Variants in PPP2R2C observed in about 807,000 individuals in gnomAD.
PPP2R2C encodes the protein protein phosphatase 2 regulatory subunit Bgamma, also known as protein phosphatase 2, regulatory subunit B, gamma.
Under a neutral mutation model 45.3 loss-of-function variants are expected in PPP2R2C, and 10 were observed. That is an observed-to-expected ratio of 0.22 (90% confidence interval 0.14 to 0.37). PPP2R2C has a LOEUF of 0.37. Ranked by LOEUF, PPP2R2C falls within the 10% of genes least tolerant of loss-of-function variation. PPP2R2C has a pLI of 1.00. For synonymous variants in PPP2R2C, 257 were observed against 245.4 expected, an observed-to-expected ratio of 1.05 and a Z score of -0.44; for missense variants, 308 against 619.7, an observed-to-expected ratio of 0.50 and a Z score of 5.34.
chr4:6,454,431 C>T (rs1407391459), intron 1 of PPP2R2C, among the ~76,000 whole-genome samples: 2 of 152,106 alleles, frequency 1.3e-5, no homozygotes, highest in East Asian at 1.9e-4. Flanking sequence ...ATACTTGATT[C>T]GGGAAAGCCA....
chr4:6,356,517 C>T (rs998657319), intron 5 of PPP2R2C, among the ~76,000 whole-genome samples: 1 of 152,372 alleles, frequency 6.6e-6, no homozygotes, highest in East Asian at 1.9e-4. Context: ...GGCTCCAGCT[C>T]TGCCGCTTGC....
intron 1 of PPP2R2C, among the ~76,000 whole-genome samples, chr4:6,401,204 T>C (rs1717388665): frequency 6.6e-6 from 1 of 152,138 alleles, no homozygotes; most frequent in African/African-American, 2.4e-5. Context: ...CCTGCCCCTC[T>C]GAGAAAAACC....
Position 6,472,187 on chromosome 4 carries a change from G to C in PPP2R2C, c.43C>G (p.Leu15Val), listed in dbSNP as rs949371849. 91 of 1,613,436 alleles carry C rather than the reference G, an allele frequency of 5.6e-5. No individual in the cohort carries two copies. Among genetic ancestry groups the C allele is most frequent in the Non-Finnish European group, 7.4e-5 (87 of 1,179,580 alleles). The change falls in exon 1 of 9, where the codon CTG becomes GTG. Residue 15 changes from leucine (L) to valine (V), a missense_variant. Transcript: ENST00000382599. ...TDTRKINHSFLRDHSYVTEAD... is the reference protein window; with the variant it reads ...TDTRKINHSFVRDHSYVTEAD... ...TCAGTCACATAGCTGTGGTCCCGCA[G>C]GAAGCTGTGGTTAATTTTCCGCGTG... is the stretch of plus-strand genomic sequence containing the variant.
chr4:6,360,324 C>CA lies in PPP2R2C; in HGVS notation c.625+12198dup, dbSNP rs1713612431. On this transcript the variant is annotated intron_variant, in intron 5 of 8. Coordinates refer to ENST00000382599, the MANE Select transcript of PPP2R2C (RefSeq NM_020416.4). The stretch of plus-strand genomic sequence containing the variant: ...TCTGCAGCTTTCCCCATGGGGTGGG[C>CA]ACCCCAAGGACCCTGATGCCAGGCT... 3.9e-5 allele frequency among the ~76,000 whole-genome samples: 6 copies of CA among 152,368 alleles called. 1 individual carries two copies. In the South Asian group the frequency reaches 1.2e-3, roughly 32 times the overall value.
At chr4:6,486,048 T>C (rs1445787094) in intron 2 of PPP2R2C, among the ~76,000 whole-genome samples, 1 of 152,034 alleles carries the variant, frequency 6.6e-6, no homozygotes, top group Non-Finnish European at 1.5e-5. Flanking sequence ...CCTCTAAGTA[T>C]GGTTTTAGCG....
intron 1 of PPP2R2C, among the ~76,000 whole-genome samples, chr4:6,426,298 C>T (rs1015925079): frequency 6.6e-6 from 1 of 152,236 alleles, no homozygotes; most frequent in Non-Finnish European, 1.5e-5. Context: ...GTCCAGCTCC[C>T]TTCTACGATC....
intron 1 of PPP2R2C, chr4:6,381,650 T>C: frequency 6.7e-7 from 1 of 1,501,808 alleles, no homozygotes; most frequent in Non-Finnish European, 8.9e-7. Context: ...GCCTCTGGGA[T>C]CGCTCTCTAA....
chr4:6,383,210 G>T, intron 1 of PPP2R2C: 1 of 1,191,890 alleles, frequency 8.4e-7, no homozygotes, highest in South Asian at 1.5e-5. Flanking sequence ...CCCTGAGGGG[G>T]AGGAGGAAGA....
chr4:6,383,476 C>A, intron 1 of PPP2R2C: 1 of 1,270,460 alleles, frequency 7.9e-7, no homozygotes, highest in Admixed American at 2.3e-5. Context: ...CTTGCCCTTT[C>A]CCAAAAGTCC....
chr4:6,472,047 G>A (rs1577208836), intron 1 of PPP2R2C, 113 bp downstream of exon 1: 1 of 1,283,656 alleles, frequency 7.8e-7, no homozygotes, highest in Non-Finnish European at 1.1e-6. Context: ...GGGTGGGGTG[G>A]GGCGGGGGGA....
At position 6,368,507 on chromosome 4, in the gene PPP2R2C, G is replaced by A. The variant is rs1195516228; in HGVS notation, c.625+4016C>T. On this transcript the variant is annotated intron_variant, in intron 5 of 8. Transcript: ENST00000382599. This position sits in a 1 kb window ranked among gnomAD's most constrained non-coding sequence, Gnocchi z 4.2. ...GTAAATGGTGTGCTCTGCAACATGC[G>A]GACAGGGCACAATCTGTGTGTTCGG... 2.0e-5 allele frequency among the ~76,000 whole-genome samples: 3 copies of A among 152,110 alleles called. No individual in the cohort carries two copies. Among genetic ancestry groups the A allele is most frequent in the Non-Finnish European group, 4.4e-5 (3 of 68,030 alleles).
rs1366045507 is a variant in PPP2R2C, at chr4:6,364,351, G to C, written c.625+8172C>G. On this transcript the variant is annotated intron_variant, in intron 5 of 8. Transcript: ENST00000382599. This position sits in a 1 kb window ranked among gnomAD's most constrained non-coding sequence, Gnocchi z 5.3. The stretch of plus-strand genomic sequence containing the variant: ...TGAGCCCAGGGAGCAAAGGGAGAGA[G>C]GAGGAAGTGGGCCAGGGAGGGGCCA... Among the ~76,000 whole-genome samples, 1 of 152,236 alleles carries C rather than the reference G, an allele frequency of 6.6e-6. No homozygotes were observed. Among genetic ancestry groups the C allele is most frequent in the African/African-American group, 2.4e-5 (1 of 41,464 alleles).
chr4:6,529,538 A>G (rs1447116116), intron 2 of PPP2R2C, among the ~76,000 whole-genome samples: 2 of 152,192 alleles, frequency 1.3e-5, no homozygotes. Flanking sequence ...AGGATTCTTG[A>G]AGCTCAGCCC....
chr4:6,446,036 C>T (rs940820977), intron 1 of PPP2R2C, among the ~76,000 whole-genome samples: 1 of 152,218 alleles, frequency 6.6e-6, no homozygotes, highest in Non-Finnish European at 1.5e-5. Context: ...TGATTCACAT[C>T]CTGGCTGAGT....
chr4:6,450,720 AC>A lies in PPP2R2C; in HGVS notation c.70+21439del, dbSNP rs367919450. ...CAGGCCTGGGTTAAAATCCTGGCCTACCCATTCCTGAGAGGTGAAACCCCCA... is the reference window on the plus strand; with the variant it reads ...CAGGCCTGGGTTAAAATCCTGGCCTACCATTCCTGAGAGGTGAAACCCCCA... On this transcript the variant is annotated intron_variant, in intron 1 of 8. Transcript: ENST00000382599. Among the ~76,000 whole-genome samples the A allele has an allele frequency of 7.0e-3, 1,073 of 152,278 alleles. 8 individuals carry two copies. Among genetic ancestry groups the A allele is most frequent in the Middle Eastern group, 0.037 (11 of 294 alleles).
At chr4:6,361,150 C>T (rs147610061) in intron 5 of PPP2R2C, among the ~76,000 whole-genome samples, 70 of 152,276 alleles carry the variant, frequency 4.6e-4, no homozygotes, top group African/African-American at 1.5e-3. Context: ...TTTCCTTCTC[C>T]ACTCGGAACA....
intron 2 of PPP2R2C, among the ~76,000 whole-genome samples, chr4:6,480,360 C>T (rs1722308444): frequency 6.6e-6 from 1 of 152,158 alleles, no homozygotes; most frequent in Non-Finnish European, 1.5e-5. Flanking sequence ...AGAACCTTCT[C>T]GCAAGAGCTG....
chr4:6,453,482 C>A (rs1004421945), intron 1 of PPP2R2C, among the ~76,000 whole-genome samples: 1 of 151,438 alleles, frequency 6.6e-6, no homozygotes, highest in African/African-American at 2.4e-5. Flanking sequence ...AAACTGCCCA[C>A]CCCACCCCAC....
chr4:6,334,859 G>A (rs967036432), intron 6 of PPP2R2C, among the ~76,000 whole-genome samples: 13 of 152,248 alleles, frequency 8.5e-5, no homozygotes, highest in East Asian at 3.9e-4. Context: ...TGAGGCTCCC[G>A]AGAGGCCCCT....
Sources: allele counts gnomAD v4.1 joint callset (sites outside exome capture counted in the v4.1 genomes callset), GRCh38; gene constraint gnomAD v4.1.1; non-coding constraint Gnocchi (gnomAD v3.1); transcripts MANE v1.5; gene names NCBI Gene and HGNC (gene_info 2026-07-23, HGNC 2026-07-21).